PCCA: variants seen among roughly 807,000 people sequenced by gnomAD.
The protein encoded by PCCA is propionyl-CoA carboxylase alpha chain, mitochondrial.
A neutral mutation model predicts 101.3 loss-of-function variants in PCCA; 74 were observed. The ratio of observed to expected loss-of-function variants is 0.73; its 90% CI spans 0.61 to 0.89. The LOEUF is 0.89. Ranked by LOEUF, PCCA falls within the 40% of genes least tolerant of loss-of-function variation. The pLI is 0.00. For synonymous variants in PCCA, 294 were observed against 313.6 expected (o/e 0.94, Z 0.66); for missense variants, 891 against 907.0 (o/e 0.98, Z 0.23).
chr13:100,524,372 C>T lies in PCCA; in HGVS notation c.2041-3303C>T, dbSNP rs994928148. ...TGAAACATGTTGAAATTCAATTAAG[C>T]TCGTGTGTGTGTGTGTGTGTGTGTG... On this transcript the variant is annotated intron_variant, in intron 22 of 23. Coordinates refer to ENST00000376285, the MANE Select transcript of PCCA (RefSeq NM_000282.4). Among the ~76,000 whole-genome samples the T allele has an allele frequency of 2.1e-4, 9 of 43,080 alleles. No homozygotes were observed. In the South Asian group the frequency reaches 0.012, roughly 57 times the overall value. 28.3% of individuals were successfully genotyped at this position (43,080 alleles called of 152,430 possible).
In PCCA at chr13:100,111,987, A is replaced by T. The variant is rs527249599; in HGVS notation, c.232-6A>T. ...TATTAATAGACATTAATATATTTTA[A>T]AATAGGTTATTAGAACTTGCAAGAA... On this transcript the variant is annotated splice_region_variant and splice_polypyrimidine_tract_variant and intron_variant, in intron 3 of 23. Transcript: ENST00000376285. 1 of 1,600,578 alleles carries T rather than the reference A, an allele frequency of 6.2e-7. No homozygotes were observed. The highest frequency in any genetic ancestry group is 1.7e-5 in the Admixed American group (1 of 59,988).
intron 19 of PCCA, among the ~76,000 whole-genome samples, chr13:100,399,647 C>G (rs1399821260): frequency 6.6e-6 from 1 of 152,112 alleles, no homozygotes; most frequent in Non-Finnish European, 1.5e-5. Context: ...TATCAGAAAG[C>G]AAAGGGCTGA....
intron 12 of PCCA, among the ~76,000 whole-genome samples, chr13:100,286,587 G>A (rs781046636): frequency 6.6e-6 from 1 of 152,100 alleles, no homozygotes; most frequent in Non-Finnish European, 1.5e-5. Flanking sequence ...TCTTTGAAAC[G>A]AAATTTAGAA....
intron 15 of PCCA, among the ~76,000 whole-genome samples, chr13:100,308,080 C>G (rs562058740): frequency 7.9e-4 from 120 of 152,294 alleles, no homozygotes; most frequent in African/African-American, 2.7e-3. Context: ...GTCTCCATCT[C>G]CTGACCTCGT....
At chr13:100,271,676 A>G (rs1261052237) in intron 11 of PCCA, among the ~76,000 whole-genome samples, 1 of 152,218 alleles carries the variant, frequency 6.6e-6, no homozygotes, top group East Asian at 1.9e-4. Flanking sequence ...GATATTTATG[A>G]GATAGAGAAA....
At chr13:100,416,954 C>T (rs566517353) in intron 19 of PCCA, among the ~76,000 whole-genome samples, 8 of 152,268 alleles carry the variant, frequency 5.3e-5, no homozygotes, top group African/African-American at 1.9e-4. Flanking sequence ...AGCAATTCTC[C>T]TGCTTCAGCC....
intron 17 of PCCA, among the ~76,000 whole-genome samples, chr13:100,334,183 A>G (rs1384510868): frequency 6.6e-6 from 1 of 152,190 alleles, no homozygotes; most frequent in Non-Finnish European, 1.5e-5. Context: ...CATTTAGACT[A>G]TTGGAATACC....
At chr13:100,358,313 A>G (rs1251808156) in intron 18 of PCCA, among the ~76,000 whole-genome samples, 1 of 152,202 alleles carries the variant, frequency 6.6e-6, no homozygotes, top group Non-Finnish European at 1.5e-5. Flanking sequence ...CATCTCCACA[A>G]TACAGTTTAC....
chr13:100,165,310 A>G (rs1056811839), intron 6 of PCCA, among the ~76,000 whole-genome samples: 2 of 152,162 alleles, frequency 1.3e-5, no homozygotes, highest in Non-Finnish European at 2.9e-5. Flanking sequence ...TTTAATAACC[A>G]CCAAATCATG....
chr13:100,112,385 A>G (rs2152279803), intron 4 of PCCA, among the ~76,000 whole-genome samples: 1 of 152,274 alleles, frequency 6.6e-6, no homozygotes, highest in Non-Finnish European at 1.5e-5. Flanking sequence ...TTATGAGAGC[A>G]CTTTCCCCCA....
intron 21 of PCCA, among the ~76,000 whole-genome samples, chr13:100,483,952 A>C (rs1333184092): frequency 6.6e-6 from 1 of 152,208 alleles, no homozygotes; most frequent in Non-Finnish European, 1.5e-5. Flanking sequence ...TCATGGATGG[A>C]GGAAAACAAT....
intron 6 of PCCA, among the ~76,000 whole-genome samples, chr13:100,189,038 G>GC (rs538014747): frequency 6.6e-6 from 1 of 151,846 alleles, no homozygotes; most frequent in African/African-American, 2.4e-5. Flanking sequence ...CCATCTCCTA[G>GC]CCCCCCACCC....
At chr13:100,253,497 C>G (rs1274904186) in intron 8 of PCCA, among the ~76,000 whole-genome samples, 1 of 152,132 alleles carries the variant, frequency 6.6e-6, no homozygotes, top group African/African-American at 2.4e-5. Context: ...GTAAGACGCA[C>G]TGGTAGCTGG....
At chr13:100,281,198 C>A (rs998997725) in intron 12 of PCCA, among the ~76,000 whole-genome samples, 1 of 152,106 alleles carries the variant, frequency 6.6e-6, no homozygotes, top group African/African-American at 2.4e-5. Flanking sequence ...GGTGAAAGTT[C>A]TAGACTTAAT....
At chr13:100,311,599 G>A (rs1047432018) in intron 16 of PCCA, among the ~76,000 whole-genome samples, 23 of 151,620 alleles carry the variant, frequency 1.5e-4, no homozygotes, top group Non-Finnish European at 2.8e-4. Flanking sequence ...GCAGAACCCC[G>A]TCTCTAGTAA....
At chr13:100,199,349 A>G (rs1447794252) in intron 6 of PCCA, among the ~76,000 whole-genome samples, 1 of 152,090 alleles carries the variant, frequency 6.6e-6, no homozygotes, top group Non-Finnish European at 1.5e-5. Flanking sequence ...ACAATATTTA[A>G]GTCTTGTCCA....
At chr13:100,278,885 C>G (rs2152617014) in intron 12 of PCCA, among the ~76,000 whole-genome samples, 1 of 151,820 alleles carries the variant, frequency 6.6e-6, no homozygotes, top group East Asian at 1.9e-4. Context: ...TCTATACCCT[C>G]AAAAAATTAT....
intron 4 of PCCA, chr13:100,149,678 A>G (rs1464982968): frequency 6.6e-6 from 1 of 152,180 alleles, no homozygotes; most frequent in Non-Finnish European, 1.5e-5. Flanking sequence ...AGGACATCAG[A>G]AGGAAAACTC....
intron 18 of PCCA, among the ~76,000 whole-genome samples, chr13:100,362,804 T>G (rs1357323375): frequency 1.3e-5 from 2 of 152,234 alleles, no homozygotes; most frequent in Non-Finnish European, 2.9e-5. Flanking sequence ...CTCAGCATGA[T>G]TATGTGATAC....
Sources: gnomAD v4.1 joint callset for allele counts (sites outside exome capture counted in the v4.1 genomes callset) on GRCh38, gnomAD v4.1.1 for gene constraint, MANE v1.5 for transcripts, NCBI Gene and HGNC (gene_info 2026-07-23, HGNC 2026-07-21) for gene names.